Variants in CEP128 observed in about 807,000 individuals in gnomAD.
The protein encoded by CEP128 is centrosomal protein 128, also known as centrosomal protein 128kDa.
Under a neutral mutation model 156.7 loss-of-function variants are expected in CEP128, and 132 were observed. The observed-to-expected ratio is 0.84, with a 90% CI of 0.73 to 0.97. The LOEUF is 0.97. Ranked by LOEUF, CEP128 falls within the 50% of genes least tolerant of loss-of-function variation. CEP128 has a pLI of 0.00. For missense variants in CEP128, 1,252 were observed against 1,281.9 expected (o/e 0.98, Z 0.36); for synonymous variants, 469 against 448.9 (o/e 1.04, Z -0.57).
At chr14:80,807,639 C>A (rs1452098227) in intron 13 of CEP128, among the ~76,000 whole-genome samples, 1 of 152,198 alleles carries the variant, frequency 6.6e-6, no homozygotes, top group Non-Finnish European at 1.5e-5. Flanking sequence ...CAATCTGAAA[C>A]ACTGGAGAGC....
At chr14:80,738,572 A>G (rs1369978595) in intron 19 of CEP128, among the ~76,000 whole-genome samples, 2 of 152,164 alleles carry the variant, frequency 1.3e-5, no homozygotes, top group African/African-American at 2.4e-5. Flanking sequence ...TACAGTTTCA[A>G]TTTGGTTTCA....
chr14:80,508,432 G>A (rs567706799), intron 23 of CEP128, among the ~76,000 whole-genome samples: 5 of 152,160 alleles, frequency 3.3e-5, no homozygotes, highest in African/African-American at 7.2e-5. Context: ...GATCACCTTC[G>A]TTGATGATTT....
chr14:80,933,981 G>A (rs989346972), intron 2 of CEP128, among the ~76,000 whole-genome samples: 3 of 152,120 alleles, frequency 2.0e-5, no homozygotes, highest in Non-Finnish European at 2.9e-5. Flanking sequence ...AGGGAGGTCC[G>A]ATATACAAGA....
chr14:80,580,542 G>A (rs1239367739), intron 19 of CEP128, 119 bp from the exon 20 acceptor site: 2 of 627,874 alleles, frequency 3.2e-6, no homozygotes, highest in Non-Finnish European at 5.7e-6. Flanking sequence ...AGAATTTAAT[G>A]TTTAAGTGTG....
intron 13 of CEP128, among the ~76,000 whole-genome samples, chr14:80,810,323 CAAAAAAAAAAAAAA>C (rs71103883): frequency 4.6e-4 from 7 of 15,206 alleles, no homozygotes; most frequent in South Asian, 2.4e-3. Context: ...ACTCCATCTC[CAAAAAAAAAAAAAA>C]AAAAAAAAAA....
rs1444820831 is a variant in CEP128, at chr14:80,728,007, T to C, written c.2806+15068A>G. 3.3e-5 allele frequency among the ~76,000 whole-genome samples: 5 copies of C among 152,198 alleles called. No homozygotes were observed. In the South Asian group the frequency reaches 6.2e-4, roughly 19 times the overall value. On this transcript the variant is annotated intron_variant, in intron 19 of 24. Transcript: ENST00000555265. ...CACAGCAATCCCATTACTGGGTACA[T>C]ACCCAAAGGAATATAAATTATTCTA...
Position 80,497,424 on chromosome 14 carries a change from G to C in CEP128, c.*55C>G. 8.4e-7 allele frequency: 1 copy of C among 1,196,114 alleles called. No individual in the cohort carries two copies. Among genetic ancestry groups the C allele is most frequent in the Non-Finnish European group, 1.2e-6 (1 of 814,818 alleles). 74.1% of individuals were successfully genotyped at this position (1,196,114 alleles called of 1,614,324 possible). On this transcript the variant is annotated 3_prime_UTR_variant, in exon 25 of 25. Transcript: ENST00000555265. ...TCTGGGCCAAATTGCTGTAAGAATA[G>C]AGATGTTATTATTTGTAACATACTC...
At chr14:80,792,644 A>G (rs1408594583) in intron 14 of CEP128, 116 bp downstream of exon 14, 12 of 793,226 alleles carry the variant, frequency 1.5e-5, no homozygotes, top group Non-Finnish European at 2.5e-5. Context: ...GGATTCGTCT[A>G]TCAAGGACAT....
At chr14:80,641,045 A>C (rs1319867079) in intron 19 of CEP128, among the ~76,000 whole-genome samples, 2 of 152,174 alleles carry the variant, frequency 1.3e-5, no homozygotes, top group Admixed American at 1.3e-4. Context: ...TTGATTATAT[A>C]ATGGCCCTTC....
At chr14:80,955,222 G>A in intron 2 of CEP128, 2 of 278,222 alleles carry the variant, frequency 7.2e-6, no homozygotes, top group South Asian at 8.5e-5. Flanking sequence ...CGTGCGAGTG[G>A]CTCCCAGGCA....
chr14:80,533,325 A>G (rs1340822888), intron 21 of CEP128, among the ~76,000 whole-genome samples: 2 of 152,034 alleles, frequency 1.3e-5, no homozygotes, highest in African/African-American at 2.4e-5. Flanking sequence ...TTAAAACTTT[A>G]TTTCCTTTTT....
At chr14:80,881,717 G>T (rs1171426995) in intron 8 of CEP128, among the ~76,000 whole-genome samples, 1 of 152,106 alleles carries the variant, frequency 6.6e-6, no homozygotes, top group African/African-American at 2.4e-5. Context: ...TTGAAAAAAG[G>T]TCATCAATAC....
intron 24 of CEP128, among the ~76,000 whole-genome samples, chr14:80,503,274 ATTTAAC>A (rs765245210): frequency 4.6e-5 from 7 of 152,138 alleles, no homozygotes; most frequent in Non-Finnish European, 8.8e-5. Flanking sequence ...ATATTTTCCT[ATTTAAC>A]TTTATTTCCT....
chr14:80,812,647 C>A (rs1391901897), intron 13 of CEP128, among the ~76,000 whole-genome samples: 1 of 152,212 alleles, frequency 6.6e-6, no homozygotes, highest in Non-Finnish European at 1.5e-5. Context: ...CGGCTCACTG[C>A]AACCTCCATC....
At chr14:80,620,238 T>C (rs1233535534) in intron 19 of CEP128, among the ~76,000 whole-genome samples, 1 of 152,004 alleles carries the variant, frequency 6.6e-6, no homozygotes, top group Non-Finnish European at 1.5e-5. Flanking sequence ...TAAAAAGCTA[T>C]GAAGTTACAT....
Position 80,617,416 on chromosome 14 carries a change from T to C in CEP128, c.2807-36993A>G, listed in dbSNP as rs185732006. 1.1e-4 allele frequency among the ~76,000 whole-genome samples: 16 copies of C among 151,946 alleles called. 1 individual carries two copies. In the East Asian group the frequency reaches 3.1e-3, roughly 30 times the overall value. The stretch of plus-strand genomic sequence containing the variant: ...TGGCTAATTTTTCTTTTTGCATTTT[T>C]AGTAGAGACGGGGTTTCACCATCTT... On this transcript the variant is annotated intron_variant, in intron 19 of 24. Coordinates refer to ENST00000555265, the MANE Select transcript of CEP128 (RefSeq NM_152446.5).
rs565887026 is a variant in CEP128 at position 80,685,292 on chromosome 14, A to G, written c.2806+57783T>C. ...ATGTGCAAAAATAAGTGGCATTTCT[A>G]TAATGCAACAATATTCAAGCTGAGA... On this transcript the variant is annotated intron_variant, in intron 19 of 24. Transcript: ENST00000555265. Among the ~76,000 whole-genome samples the G allele has an allele frequency of 4.6e-5, 7 of 152,278 alleles. No individual in the cohort carries two copies. In the South Asian group the frequency reaches 1.4e-3, roughly 32 times the overall value.
intron 19 of CEP128, among the ~76,000 whole-genome samples, chr14:80,679,400 G>A (rs1464118730): frequency 6.6e-6 from 1 of 152,272 alleles, no homozygotes; most frequent in East Asian, 1.9e-4. Flanking sequence ...CCCTGGGGAA[G>A]GAATGCATTC....
In CEP128 at chr14:80,930,308, G is replaced by C. The variant is rs561214378; in HGVS notation, c.-16+9077C>G. Among the ~76,000 whole-genome samples the C allele has an allele frequency of 2.0e-4, 31 of 152,274 alleles. No homozygotes were observed. The South Asian group carries it at 6.2e-3, about 31-fold the overall frequency. On this transcript the variant is annotated intron_variant, in intron 2 of 24. Coordinates refer to ENST00000555265, the MANE Select transcript of CEP128 (RefSeq NM_152446.5). Reference sequence around the variant, plus strand: ...CATCTGGCGGCAGGCTTTAAGTCAGGATCTGATACTTCAGTCCGCACATGG... The same window carrying C: ...CATCTGGCGGCAGGCTTTAAGTCAGCATCTGATACTTCAGTCCGCACATGG...
Sources: gnomAD v4.1 joint callset for allele counts (sites outside exome capture counted in the v4.1 genomes callset) on GRCh38, gnomAD v4.1.1 for gene constraint, MANE v1.5 for transcripts, NCBI Gene and HGNC (gene_info 2026-07-23, HGNC 2026-07-21) for gene names.